The following TRIP4 variants were observed in gnomAD, a reference collection of about 807,000 sequenced individuals.
TRIP4 encodes thyroid hormone receptor interactor 4.
A neutral mutation model predicts 81.8 loss-of-function variants in TRIP4; 54 were observed. The observed-to-expected ratio is 0.66, with a 90% CI of 0.53 to 0.83. The LOEUF is 0.83. Ranked by LOEUF, TRIP4 falls within the 40% of genes least tolerant of loss-of-function variation. The pLI, the probability that TRIP4 is intolerant of heterozygous loss-of-function variation, is 0.00. For synonymous variants in TRIP4, 270 were observed against 242.8 expected (o/e 1.11, Z -1.04); for missense variants, 662 against 683.6 (o/e 0.97, Z 0.35).
At chr15:64,450,106 A>AG (rs748722783) in intron 12 of TRIP4, among the ~76,000 whole-genome samples, 5 of 152,232 alleles carry the variant, frequency 3.3e-5, no homozygotes, top group Non-Finnish European at 5.9e-5. Flanking sequence ...TTAGAAGCCC[A>AG]GGGTGGGCTG....
chr15:64,435,213 CAAAAAAAAAA>C (rs35216763), intron 11 of TRIP4, among the ~76,000 whole-genome samples: 6 of 50,424 alleles, frequency 1.2e-4, no homozygotes, highest in African/African-American at 4.5e-4. Flanking sequence ...GACCCCATCT[CAAAAAAAAAA>C]AAAAAAAAAA....
Position 64,395,408 on chromosome 15 carries a change from TG to T in TRIP4, c.285del (p.Gln96ArgfsTer7). The part of the protein sequence containing the change: ...QCFKKDEILD[G>X]QKSGDHLKRG... ...TTTCTATCTTTAAAGAAATTTTAGA[TG>T]GGCAGAAATCAGGCGACCATCTAAA... On this transcript the variant is annotated frameshift_variant, in exon 3 of 13. Coordinates refer to ENST00000261884, the MANE Select transcript of TRIP4 (RefSeq NM_016213.5). LOFTEE classifies it high-confidence loss of function. 1 of 1,601,172 alleles carries T rather than the reference TG, an allele frequency of 6.2e-7. No homozygotes were observed. The highest frequency in any genetic ancestry group is 8.5e-7 in the Non-Finnish European group (1 of 1,176,406).
At chr15:64,392,975 G>T (rs951148865) in intron 1 of TRIP4, among the ~76,000 whole-genome samples, 2 of 151,972 alleles carry the variant, frequency 1.3e-5, no homozygotes, top group African/African-American at 4.8e-5. Flanking sequence ...GCATAATTCT[G>T]CAATTCCACC....
At chr15:64,427,912 C>G (rs1226208492) in intron 11 of TRIP4, among the ~76,000 whole-genome samples, 1 of 152,120 alleles carries the variant, frequency 6.6e-6, no homozygotes, top group Non-Finnish European at 1.5e-5. Context: ...TCCCTCTGAG[C>G]TTTTTGCCCA....
At chr15:64,419,116 CAT>C (rs1891951205) in intron 9 of TRIP4, among the ~76,000 whole-genome samples, 1 of 152,120 alleles carries the variant, frequency 6.6e-6, no homozygotes, top group Non-Finnish European at 1.5e-5. Flanking sequence ...CTATTTGAAA[CAT>C]AGTTTTGATG....
At chr15:64,451,316 T>G (rs990014754) in intron 12 of TRIP4, among the ~76,000 whole-genome samples, 35 of 152,000 alleles carry the variant, frequency 2.3e-4, no homozygotes, top group Non-Finnish European at 4.4e-4. Flanking sequence ...TTTCGCCATG[T>G]TGGTCAGGCT....
intron 2 of TRIP4, 56 bp downstream of exon 2, chr15:64,394,171 G>T (rs1444076607): frequency 7.2e-6 from 10 of 1,395,466 alleles, no homozygotes; most frequent in East Asian, 2.6e-5. Context: ...CAGGCTTAAA[G>T]AATTATTATT....
At chr15:64,421,313 C>T (rs1353797510) in intron 9 of TRIP4, among the ~76,000 whole-genome samples, 8 of 150,264 alleles carry the variant, frequency 5.3e-5, no homozygotes, top group Admixed American at 1.3e-4. Context: ...TATATTTTTA[C>T]GCTACCTTTT....
intron 6 of TRIP4, 85 bp downstream of exon 6, chr15:64,406,544 A>C (rs958304813): frequency 1.3e-6 from 2 of 1,491,594 alleles, no homozygotes. Context: ...ATACCTTCTC[A>C]AAGTGGAGTG....
intron 6 of TRIP4, among the ~76,000 whole-genome samples, chr15:64,409,314 T>G (rs528062168): frequency 6.6e-6 from 1 of 152,150 alleles, no homozygotes; most frequent in Non-Finnish European, 1.5e-5. Flanking sequence ...GGATATTTAG[T>G]AAGCTGTCAA....
At position 64,415,335 on chromosome 15, in the gene TRIP4, T is replaced by C. The variant is rs140969596; in HGVS notation, c.1170+1124T>C. On this transcript the variant is annotated intron_variant, in intron 8 of 12. Coordinates refer to ENST00000261884, the MANE Select transcript of TRIP4 (RefSeq NM_016213.5). ...TGGGGAATCACAAGTAATTAACTAT[T>C]GTTATGGACTGATAAGTGTATTAGT... 4.2e-3 allele frequency among the ~76,000 whole-genome samples: 643 copies of C among 152,308 alleles called. 9 individuals are homozygous for C. Among genetic ancestry groups the C allele is most frequent in the African/African-American group, 0.015 (611 of 41,570 alleles).
At chr15:64,424,369 A>C (rs1160072480) in intron 10 of TRIP4, 1 of 554,534 alleles carries the variant, frequency 1.8e-6, no homozygotes, top group Non-Finnish European at 2.9e-6. Context: ...TTCCAACACA[A>C]GAAATCAACT....
chr15:64,437,742 C>G (rs1017383534), intron 11 of TRIP4, among the ~76,000 whole-genome samples: 1 of 152,252 alleles, frequency 6.6e-6, no homozygotes, highest in South Asian at 2.1e-4. Flanking sequence ...GATTCACCCG[C>G]CTGGGGTTCC....
chr15:64,437,035 T>C (rs1187139476), intron 11 of TRIP4, among the ~76,000 whole-genome samples: 9 of 151,704 alleles, frequency 5.9e-5, no homozygotes. Context: ...TTATTCACCT[T>C]TATATCAGTG....
intron 9 of TRIP4, 60 bp from the exon 10 acceptor site, chr15:64,423,971 A>G: frequency 1.9e-6 from 3 of 1,600,500 alleles, no homozygotes; most frequent in Non-Finnish European, 2.6e-6. Context: ...GTTATATATT[A>G]TGGGATATTC....
intron 11 of TRIP4, 23 bp from the exon 12 acceptor site, chr15:64,444,983 C>CT (rs753026730): frequency 7.4e-7 from 1 of 1,354,326 alleles, no homozygotes; most frequent in East Asian, 2.3e-5. Flanking sequence ...CTATCCTGAA[C>CT]TTTTTATTTT....
intron 5 of TRIP4, among the ~76,000 whole-genome samples, chr15:64,402,706 A>G (rs894228888): frequency 6.6e-6 from 1 of 151,372 alleles, no homozygotes; most frequent in African/African-American, 2.4e-5. Flanking sequence ...TTGTATTTTT[A>G]GTAGAGATGG....
intron 5 of TRIP4, among the ~76,000 whole-genome samples, chr15:64,403,645 T>C (rs1306885156): frequency 6.6e-6 from 1 of 152,208 alleles, no homozygotes; most frequent in Non-Finnish European, 1.5e-5. Flanking sequence ...CATAATTAGC[T>C]GCCATCTTGC....
At chr15:64,397,077 T>G (rs1227668578) in intron 3 of TRIP4, among the ~76,000 whole-genome samples, 1 of 152,216 alleles carries the variant, frequency 6.6e-6, no homozygotes, top group African/African-American at 2.4e-5. Flanking sequence ...TTTTTTGCCC[T>G]TTTTTTGTTT....
Sources: allele counts gnomAD v4.1 joint callset (sites outside exome capture counted in the v4.1 genomes callset), GRCh38; gene constraint gnomAD v4.1.1; transcripts MANE v1.5; gene names NCBI Gene and HGNC (gene_info 2026-07-23, HGNC 2026-07-21).